Variants in LDLRAD3 observed in about 807,000 individuals in gnomAD.
LDLRAD3 encodes the protein low-density lipoprotein receptor class A domain-containing protein 3.
A neutral mutation model predicts 29.4 loss-of-function variants in LDLRAD3; 20 were observed. The ratio of observed to expected loss-of-function variants is 0.68; its 90% CI spans 0.48 to 0.99. The LOEUF is 0.99. Ranked by LOEUF, LDLRAD3 falls within the 50% of genes least tolerant of loss-of-function variation. The probability of loss-of-function intolerance (pLI) is 0.00; values close to 1 mark genes in which losing one functional copy is unlikely to be tolerated. For synonymous variants in LDLRAD3, 157 were observed against 192.7 expected, an observed-to-expected ratio of 0.81 and a Z score of 1.53; for missense variants, 420 against 454.3, an observed-to-expected ratio of 0.92 and a Z score of 0.69.
intron 3 of LDLRAD3, among the ~76,000 whole-genome samples, chr11:36,085,282 A>C (rs1853178065): frequency 6.6e-6 from 1 of 151,680 alleles, no homozygotes; most frequent in African/African-American, 2.4e-5. Context: ...TCTGGAGAGA[A>C]ATTTACAGTC....
chr11:36,029,040 C>T (rs1290104447), intron 1 of LDLRAD3, among the ~76,000 whole-genome samples: 3 of 152,120 alleles, frequency 2.0e-5, no homozygotes, highest in South Asian at 2.1e-4. Flanking sequence ...GTCAGGAGAT[C>T]GAGACCATCC....
intron 4 of LDLRAD3, among the ~76,000 whole-genome samples, chr11:36,103,388 C>A (rs1232583801): frequency 1.3e-5 from 2 of 152,048 alleles, no homozygotes; most frequent in African/African-American, 4.8e-5. Flanking sequence ...CAGGCGCCCA[C>A]CACCACGCCC....
intron 2 of LDLRAD3, among the ~76,000 whole-genome samples, chr11:36,081,060 T>C (rs1269246236): frequency 3.9e-5 from 6 of 152,146 alleles, no homozygotes; most frequent in African/African-American, 1.4e-4. Context: ...TCTTGTTAGG[T>C]AGGGTGGTGC....
chr11:36,179,595 T>G (rs185817542), intron 4 of LDLRAD3, among the ~76,000 whole-genome samples: 89 of 152,322 alleles, frequency 5.8e-4, no homozygotes, highest in Non-Finnish European at 8.2e-4. Context: ...AAGTTGAGTT[T>G]GAATCCAGTT....
At chr11:36,075,738 CT>C (rs1852988479) in intron 2 of LDLRAD3, among the ~76,000 whole-genome samples, 1 of 152,128 alleles carries the variant, frequency 6.6e-6, no homozygotes, top group Non-Finnish European at 1.5e-5. Context: ...CCTTTCTCCC[CT>C]TTTTACTTAC....
intron 1 of LDLRAD3, among the ~76,000 whole-genome samples, chr11:35,950,911 G>T (rs760843835): frequency 1.3e-5 from 2 of 151,978 alleles, no homozygotes; most frequent in African/African-American, 4.8e-5. Flanking sequence ...GTGAAACCCC[G>T]TCTCTTCTAA....
rs140650508 is a variant in LDLRAD3, at chr11:36,113,280, C to T, written c.454+14819C>T. On this transcript the variant is annotated intron_variant, in intron 4 of 5. Coordinates refer to ENST00000315571, the MANE Select transcript of LDLRAD3 (RefSeq NM_174902.4). ...CAGGTTATGGCTTAATAAGTGCCTT[C>T]GATGAGAAAAAGATCTCTCACTTGG... Among the ~76,000 whole-genome samples, 157 of 152,102 alleles carry T rather than the reference C, an allele frequency of 1.0e-3. 1 individual carries two copies. The highest frequency in any genetic ancestry group is 3.5e-3 in the African/African-American group (147 of 41,490).
chr11:35,990,621 G>T (rs979589093), intron 1 of LDLRAD3, among the ~76,000 whole-genome samples: 1 of 151,138 alleles, frequency 6.6e-6, no homozygotes, highest in African/African-American at 2.4e-5. Context: ...TTGCCATGTT[G>T]CCCAGGCTGG....
At chr11:36,034,940 C>T (rs1852284027) in intron 1 of LDLRAD3, among the ~76,000 whole-genome samples, 1 of 152,302 alleles carries the variant, frequency 6.6e-6, no homozygotes, top group Non-Finnish European at 1.5e-5. Flanking sequence ...TTCTCTTTGG[C>T]AAGGTTTATG....
chr11:36,109,378 G>T (rs1853575769), intron 4 of LDLRAD3, among the ~76,000 whole-genome samples: 1 of 151,604 alleles, frequency 6.6e-6, no homozygotes, highest in African/African-American at 2.4e-5. Context: ...GGGGCAGTGG[G>T]AACATATGGG....
chr11:36,200,070 G>A (rs1855100465), intron 4 of LDLRAD3, among the ~76,000 whole-genome samples: 1 of 152,114 alleles, frequency 6.6e-6, no homozygotes, highest in Non-Finnish European at 1.5e-5. Flanking sequence ...GGGAGTCTGA[G>A]GCAGGAGAAT....
chr11:36,202,360 C>T (rs1051555473), intron 4 of LDLRAD3, among the ~76,000 whole-genome samples: 2 of 152,124 alleles, frequency 1.3e-5, no homozygotes, highest in Admixed American at 1.3e-4. Context: ...ATCTATAATG[C>T]AGGATGTAGG....
At chr11:36,204,540 G>C (rs1010734059) in intron 4 of LDLRAD3, among the ~76,000 whole-genome samples, 8 of 148,710 alleles carry the variant, frequency 5.4e-5, no homozygotes, top group Non-Finnish European at 1.2e-4. Flanking sequence ...TTGTCATCCA[G>C]GTTGGAGTGC....
intron 4 of LDLRAD3, among the ~76,000 whole-genome samples, chr11:36,215,677 C>T (rs1241865314): frequency 2.0e-5 from 3 of 152,074 alleles, no homozygotes; most frequent in Non-Finnish European, 2.9e-5. Context: ...GGGTCAGGGT[C>T]GTTGTGTTCA....
At chr11:36,199,196 G>A (rs928094685) in intron 4 of LDLRAD3, among the ~76,000 whole-genome samples, 2 of 151,924 alleles carry the variant, frequency 1.3e-5, no homozygotes, top group Non-Finnish European at 2.9e-5. Context: ...CACTGCGCCC[G>A]GCCACAGCAC....
intron 4 of LDLRAD3, among the ~76,000 whole-genome samples, chr11:36,206,939 G>A (rs966557178): frequency 6.6e-6 from 1 of 151,980 alleles, no homozygotes; most frequent in Non-Finnish European, 1.5e-5. Flanking sequence ...TGTTGGCCAG[G>A]CTGGTCTCAA....
intron 2 of LDLRAD3, among the ~76,000 whole-genome samples, chr11:36,047,411 T>C (rs1852466434): frequency 6.6e-6 from 1 of 152,216 alleles, no homozygotes; most frequent in Non-Finnish European, 1.5e-5. Flanking sequence ...CCCACATTTT[T>C]CAATGGGCTA....
intron 4 of LDLRAD3, among the ~76,000 whole-genome samples, chr11:36,121,563 A>G (rs537389978): frequency 6.6e-6 from 1 of 152,322 alleles, no homozygotes; most frequent in East Asian, 1.9e-4. Flanking sequence ...GTGCGCCATG[A>G]GTATCAAATT....
chr11:35,963,552 C>T (rs1851304687), intron 1 of LDLRAD3, among the ~76,000 whole-genome samples: 2 of 152,038 alleles, frequency 1.3e-5, no homozygotes, highest in South Asian at 4.1e-4. Flanking sequence ...AAGCCTTCTT[C>T]CTTGGCAATA....
Sources: allele counts gnomAD v4.1 joint callset (sites outside exome capture counted in the v4.1 genomes callset), GRCh38; gene constraint gnomAD v4.1.1; transcripts MANE v1.5; gene names NCBI Gene and HGNC (gene_info 2026-07-23, HGNC 2026-07-21).